Variants in ABHD17B observed in about 807,000 individuals in gnomAD.
ABHD17B encodes alpha/beta hydrolase domain-containing protein 17B.
A neutral mutation model predicts 26.2 loss-of-function variants in ABHD17B; 9 were observed. The observed-to-expected ratio is 0.34, with a 90% CI of 0.21 to 0.60. ABHD17B has a LOEUF of 0.60. Ranked by LOEUF, ABHD17B falls within the 20% of genes least tolerant of loss-of-function variation. The pLI is 0.80. For missense variants in ABHD17B, 224 were observed against 352.1 expected (o/e 0.64, Z 2.91); for synonymous variants, 127 against 122.3 (o/e 1.04, Z -0.25).
Position 71,907,636 on chromosome 9 carries a change from C to T in ABHD17B, c.-4+2998G>A, listed in dbSNP as rs184526731. Among the ~76,000 whole-genome samples, 9 of 152,090 alleles carry T rather than the reference C, an allele frequency of 5.9e-5. No homozygotes were observed. The South Asian group carries it at 1.0e-3, about 18-fold the overall frequency. ...AAGCGATTCTCCTGCCTCAGCCTCCCGAGTGGCTGGGATTACAGGCAAGCA... is the reference window on the plus strand; with the variant it reads ...AAGCGATTCTCCTGCCTCAGCCTCCTGAGTGGCTGGGATTACAGGCAAGCA... On this transcript the variant is annotated intron_variant, in intron 1 of 3. Transcript: ENST00000333421.
chr9:71,889,124 G>C (rs1826701244), intron 1 of ABHD17B, among the ~76,000 whole-genome samples: 1 of 151,656 alleles, frequency 6.6e-6, no homozygotes, highest in East Asian at 1.9e-4. Flanking sequence ...AGACCAGCCC[G>C]GCCAATATAG....
At chr9:71,900,583 C>T (rs2132201578) in intron 1 of ABHD17B, among the ~76,000 whole-genome samples, 1 of 144,464 alleles carries the variant, frequency 6.9e-6, no homozygotes, top group East Asian at 2.2e-4. Context: ...ATTCATGAGG[C>T]TGAGGTTGCA....
intron 3 of ABHD17B, among the ~76,000 whole-genome samples, chr9:71,868,701 T>C (rs1826026502): frequency 6.6e-6 from 1 of 152,236 alleles, no homozygotes; most frequent in Non-Finnish European, 1.5e-5. Context: ...TTTATTTTTA[T>C]TTTTTGAGAC....
rs578071848 is a variant in ABHD17B, at chr9:71,906,487, G to A, written c.-4+4147C>T. 7.4e-4 allele frequency among the ~76,000 whole-genome samples: 113 copies of A among 152,228 alleles called. 1 individual carries two copies. The highest frequency in any genetic ancestry group is 2.6e-3 in the African/African-American group (109 of 41,528). On this transcript the variant is annotated intron_variant, in intron 1 of 3. Transcript: ENST00000333421. Reference sequence around the variant, plus strand: ...AGCAGTGCTTCTTATATTTCAATGCGTATATGCATCACCTGGGAATCTTGA... The same window carrying A: ...AGCAGTGCTTCTTATATTTCAATGCATATATGCATCACCTGGGAATCTTGA...
At chr9:71,883,614 C>T (rs993296547) in intron 1 of ABHD17B, among the ~76,000 whole-genome samples, 1 of 152,198 alleles carries the variant, frequency 6.6e-6, no homozygotes, top group African/African-American at 2.4e-5. Flanking sequence ...GTAGATTTAG[C>T]TTCATTCAAA....
intron 1 of ABHD17B, among the ~76,000 whole-genome samples, chr9:71,889,878 T>C (rs1826730559): frequency 6.6e-6 from 1 of 152,058 alleles, no homozygotes; most frequent in Non-Finnish European, 1.5e-5. Flanking sequence ...CAATTTTGGG[T>C]CATTTGTTTT....
intron 1 of ABHD17B, among the ~76,000 whole-genome samples, chr9:71,885,168 G>C (rs1297288374): frequency 6.6e-6 from 1 of 152,060 alleles, no homozygotes; most frequent in Non-Finnish European, 1.5e-5. Flanking sequence ...GGTCAGGCCG[G>C]GAACGGTGGC....
chr9:71,872,257 C>G (rs1524380), intron 2 of ABHD17B, among the ~76,000 whole-genome samples: 147,374 of 152,250 alleles, frequency 0.97, 71,509 homozygotes, highest in East Asian at 1. Context: ...AAAGAAAACA[C>G]AGGTCTAAAA....
intron 1 of ABHD17B, among the ~76,000 whole-genome samples, chr9:71,880,309 G>T (rs1826401580): frequency 6.6e-6 from 1 of 151,918 alleles, no homozygotes; most frequent in Non-Finnish European, 1.5e-5. Flanking sequence ...AAATAAAACT[G>T]TAAGTCCACT....
intron 1 of ABHD17B, among the ~76,000 whole-genome samples, chr9:71,909,409 C>T (rs1489033978): frequency 6.6e-6 from 1 of 152,202 alleles, no homozygotes; most frequent in African/African-American, 2.4e-5. Flanking sequence ...AATTAGAATA[C>T]TAGCAATCAT....
intron 1 of ABHD17B, among the ~76,000 whole-genome samples, chr9:71,885,400 C>G (rs1023292953): frequency 2.8e-5 from 4 of 145,212 alleles, no homozygotes; most frequent in Admixed American, 7.2e-5. Context: ...GCAGAGGTTA[C>G]AGTGAGCCGA....
At chr9:71,863,479 C>A (rs375578080), downstream of ABHD17B, among the ~76,000 whole-genome samples, 2 of 152,116 alleles carry the variant, frequency 1.3e-5, no homozygotes, top group East Asian at 1.9e-4. Flanking sequence ...TTCTAAAAAC[C>A]ATAGGTAAGC....
At position 71,899,925 on chromosome 9, in the gene ABHD17B, T is replaced by C. The variant is rs1589230342; in HGVS notation, c.-4+10709A>G. On this transcript the variant is annotated intron_variant, in intron 1 of 3. Transcript: ENST00000333421. ...TGAGAATATTTTAAAAGCCTCTAAA[T>C]GACATTTCTAAAAGAAAAGTAAATT... Among the ~76,000 whole-genome samples the C allele has an allele frequency of 1.3e-5, 2 of 151,916 alleles. 1 individual carries two copies. Among genetic ancestry groups the C allele is most frequent in the South Asian group, 4.1e-4 (2 of 4,822 alleles).
chr9:71,867,014 G>A lies in ABHD17B; in HGVS notation c.648-8C>T. On this transcript the variant is annotated splice_region_variant and splice_polypyrimidine_tract_variant and intron_variant, in intron 3 of 3. Transcript: ENST00000333421. ...TTAGAGATTTTGTCAATGCTGCAGG[G>A]AAAAAGGAAGGGGGAAAAATGCAAT... 6.2e-7 allele frequency: 1 copy of A among 1,612,856 alleles called. No individual in the cohort carries two copies. Among genetic ancestry groups the A allele is most frequent in the Non-Finnish European group, 8.5e-7 (1 of 1,179,684 alleles).
At chr9:71,878,306 T>C (rs1339938298) in intron 1 of ABHD17B, among the ~76,000 whole-genome samples, 5 of 152,190 alleles carry the variant, frequency 3.3e-5, no homozygotes, top group Admixed American at 3.3e-4. Flanking sequence ...ATATGGAATT[T>C]TTTTGTGGGA....
At chr9:71,879,393 G>C (rs1826375399) in intron 1 of ABHD17B, among the ~76,000 whole-genome samples, 1 of 152,160 alleles carries the variant, frequency 6.6e-6, no homozygotes. Flanking sequence ...GTAAAAATGT[G>C]CTGGGGTACC....
At chr9:71,886,871 T>A (rs1826626364) in intron 1 of ABHD17B, among the ~76,000 whole-genome samples, 1 of 151,938 alleles carries the variant, frequency 6.6e-6, no homozygotes, top group South Asian at 2.1e-4. Context: ...GGAGAAAAAA[T>A]TTAAAAATAT....
At chr9:71,904,163 A>G (rs1827218332) in intron 1 of ABHD17B, among the ~76,000 whole-genome samples, 1 of 152,142 alleles carries the variant, frequency 6.6e-6, no homozygotes, top group Non-Finnish European at 1.5e-5. Context: ...GTTTTCTTTT[A>G]TTCCAAAGCA....
intron 1 of ABHD17B, among the ~76,000 whole-genome samples, chr9:71,885,704 A>T (rs1191267679): frequency 6.6e-6 from 1 of 152,192 alleles, no homozygotes; most frequent in African/African-American, 2.4e-5. Context: ...AATGTAAAAA[A>T]AAGTCCCTAA....
Sources: allele counts gnomAD v4.1 joint callset (sites outside exome capture counted in the v4.1 genomes callset), GRCh38; gene constraint gnomAD v4.1.1; transcripts MANE v1.5; gene names NCBI Gene and HGNC (gene_info 2026-07-23, HGNC 2026-07-21).